Variants in ZC3H12B observed in about 807,000 individuals in gnomAD.
The protein encoded by ZC3H12B is probable ribonuclease ZC3H12B.
A neutral mutation model predicts 43.9 loss-of-function variants in ZC3H12B; 7 were observed. The observed-to-expected ratio is 0.16, with a 90% CI of 0.09 to 0.30. ZC3H12B has a LOEUF of 0.30. ZC3H12B is among the 10% of genes least tolerant of loss of function. The pLI, the probability that ZC3H12B is intolerant of heterozygous loss-of-function variation, is 1.00. For synonymous variants in ZC3H12B, 222 were observed against 241.7 expected, an observed-to-expected ratio of 0.92 and a Z score of 0.76; for missense variants, 475 against 670.2, an observed-to-expected ratio of 0.71 and a Z score of 3.22.
intron 3 of ZC3H12B, among the ~76,000 whole-genome samples, chrX:65,456,501 C>G (rs1247891099): frequency 2.0e-5 from 2 of 100,819 alleles, no homozygotes; most frequent in Non-Finnish European, 4.0e-5. Flanking sequence ...CAAAGCTGGA[C>G]GGTACTGCTG....
chrX:65,353,475 C>A, the ZC3H12B span, among the ~76,000 whole-genome samples: 2 of 112,167 alleles, frequency 1.8e-5, no homozygotes, highest in African/African-American at 3.2e-5. Flanking sequence ...ATGAGGAAGG[C>A]ATGTTGACAA....
At chrX:65,301,817 T>A in the ZC3H12B span, among the ~76,000 whole-genome samples, 1 of 111,505 alleles carries the variant, frequency 9.0e-6, no homozygotes, top group Non-Finnish European at 1.9e-5. Flanking sequence ...CTTATCCATT[T>A]AACCAAACAC....
chrX:65,389,075 T>A (rs1009247691), intron 2 of ZC3H12B, among the ~76,000 whole-genome samples: 1 of 112,356 alleles, frequency 8.9e-6, no homozygotes, highest in Non-Finnish European at 1.9e-5. Context: ...GTTAGGCTAC[T>A]TGGGGTTCAG....
chrX:65,343,347 AC>A, the ZC3H12B span, among the ~76,000 whole-genome samples: 2 of 112,072 alleles, frequency 1.8e-5, no homozygotes, highest in Non-Finnish European at 3.8e-5. Context: ...TCATCCTGAT[AC>A]CAAAACCTGT....
At chrX:65,055,175 G>A in the ZC3H12B span, among the ~76,000 whole-genome samples, 1 of 111,171 alleles carries the variant, frequency 9.0e-6, no homozygotes, top group Non-Finnish European at 1.9e-5. Flanking sequence ...GTTTTCAAAG[G>A]GAATGCTTCC....
chrX:65,505,377 T>G (rs1460888081), exon 5 of ZC3H12B: 2 of 112,747 alleles, frequency 1.8e-5, no homozygotes, highest in African/African-American at 6.5e-5. Context: ...TGGCTTTCTG[T>G]CTCTGTCCAA....
At chrX:65,320,618 G>T in the ZC3H12B span, among the ~76,000 whole-genome samples, 1 of 112,134 alleles carries the variant, frequency 8.9e-6, no homozygotes. Context: ...GAACAAAGCT[G>T]GAAGCATCAT....
chrX:65,254,883 G>A, the ZC3H12B span, among the ~76,000 whole-genome samples: 1 of 111,463 alleles, frequency 9.0e-6, no homozygotes, highest in African/African-American at 3.3e-5. Flanking sequence ...ACCTGATAGA[G>A]CAGAAAAAAA....
intron 3 of ZC3H12B, among the ~76,000 whole-genome samples, chrX:65,437,038 C>A (rs913380137): frequency 7.2e-5 from 8 of 110,414 alleles, no homozygotes; most frequent in African/African-American, 2.6e-4. Flanking sequence ...CTGCAGCCTC[C>A]ACCTTCTGGG....
At chrX:65,465,803 A>G (rs1311944201) in intron 3 of ZC3H12B, among the ~76,000 whole-genome samples, 1 of 110,348 alleles carries the variant, frequency 9.1e-6, no homozygotes, top group Admixed American at 9.8e-5. Context: ...GGTTATATTA[A>G]CATCTTTTAT....
At chrX:65,397,091 G>A (rs1159322723) in intron 2 of ZC3H12B, among the ~76,000 whole-genome samples, 1 of 111,200 alleles carries the variant, frequency 9.0e-6, no homozygotes, top group Non-Finnish European at 1.9e-5. Flanking sequence ...GAGCCTATAT[G>A]TGTCTTTGCA....
At chrX:65,191,790 CT>C in the ZC3H12B span, among the ~76,000 whole-genome samples, 1 of 108,695 alleles carries the variant, frequency 9.2e-6, no homozygotes, top group East Asian at 2.9e-4. Context: ...TTTTTTATGT[CT>C]CTATTTCCTT....
chrX:65,323,379 T>A, the ZC3H12B span, among the ~76,000 whole-genome samples: 1 of 111,997 alleles, frequency 8.9e-6, no homozygotes, highest in South Asian at 3.7e-4. Flanking sequence ...GTGTGTGATG[T>A]TCCCCTCCCT....
chrX:65,260,920 T>A, the ZC3H12B span, among the ~76,000 whole-genome samples: 1 of 111,694 alleles, frequency 9.0e-6, no homozygotes, highest in Admixed American at 9.5e-5. Context: ...AGTATGTGCC[T>A]TGTAGAATTA....
At chrX:65,159,805 G>A in the ZC3H12B span, among the ~76,000 whole-genome samples, 2 of 111,726 alleles carry the variant, frequency 1.8e-5, no homozygotes, top group Admixed American at 1.9e-4. Context: ...CTATGTGGAA[G>A]AGGAGTGGTG....
chrX:65,502,491 A>T, exon 5 of ZC3H12B: 1 of 1,210,644 alleles, frequency 8.3e-7, no homozygotes, highest in Non-Finnish European at 1.1e-6. Flanking sequence ...TATTCCTCTT[A>T]CAACAACGTG....
chrX:65,147,042 C>T, the ZC3H12B span, among the ~76,000 whole-genome samples: 1 of 112,215 alleles, frequency 8.9e-6, no homozygotes, highest in African/African-American at 3.2e-5. Context: ...ACAATGATCC[C>T]TCCTTTCACA....
chrX:65,152,882 G>A, the ZC3H12B span, among the ~76,000 whole-genome samples: 1 of 111,741 alleles, frequency 8.9e-6, no homozygotes, highest in African/African-American at 3.3e-5. Context: ...TACCAAAACA[G>A]AGATATAGAT....
the ZC3H12B span, among the ~76,000 whole-genome samples, chrX:65,348,336 C>T: frequency 9.0e-6 from 1 of 111,356 alleles, no homozygotes; most frequent in African/African-American, 3.3e-5. Flanking sequence ...CACCACCAGG[C>T]CTGCCTTACA....
Sources: allele counts gnomAD v4.1 joint callset (sites outside exome capture counted in the v4.1 genomes callset), GRCh38; gene constraint gnomAD v4.1.1; transcripts MANE v1.5; gene names NCBI Gene and HGNC (gene_info 2026-07-23, HGNC 2026-07-21).